The following ARL15 variants were observed in gnomAD, a reference collection of about 807,000 sequenced individuals.
The protein encoded by ARL15 is ARF like GTPase 15, also known as ADP-ribosylation factor-like protein 15.
Under a neutral mutation model 25.2 loss-of-function variants are expected in ARL15, and 19 were observed. The ratio of observed to expected loss-of-function variants is 0.75; its 90% CI spans 0.53 to 1.10. The LOEUF (loss-of-function observed/expected upper bound fraction) is 1.10. Among genes scored for constraint, ARL15 ranks in the 50% least tolerant of loss-of-function variants. The pLI is 0.00. For synonymous variants in ARL15, 94 were observed against 86.8 expected (o/e 1.08, Z -0.46); for missense variants, 220 against 246.0 (o/e 0.89, Z 0.71).
intron 4 of ARL15, among the ~76,000 whole-genome samples, chr5:53,913,937 G>C (rs1285563780): frequency 6.6e-6 from 1 of 152,150 alleles, no homozygotes; most frequent in Admixed American, 6.5e-5. Context: ...TATTATATGT[G>C]TGTGTATATT....
intron 3 of ARL15, among the ~76,000 whole-genome samples, chr5:54,141,469 AT>A (rs1753780318): frequency 6.6e-6 from 1 of 152,178 alleles, no homozygotes; most frequent in African/African-American, 2.4e-5. Flanking sequence ...AATTTCAACG[AT>A]TTTTAACTGG....
chr5:54,172,797 T>A (rs893179326), intron 1 of ARL15, among the ~76,000 whole-genome samples: 4 of 152,234 alleles, frequency 2.6e-5, no homozygotes, highest in Admixed American at 2.0e-4. Flanking sequence ...AATACAAAAA[T>A]TTTTAAAATC....
At chr5:54,282,171 G>T in intron 1 of ARL15, 2 of 787,154 alleles carry the variant, frequency 2.5e-6, no homozygotes, top group South Asian at 5.8e-5. Context: ...ACCCCCATCA[G>T]CAGTAGAGGA....
chr5:54,124,497 T>G (rs1561233022), intron 3 of ARL15, among the ~76,000 whole-genome samples: 1 of 152,184 alleles, frequency 6.6e-6, no homozygotes, highest in Non-Finnish European at 1.5e-5. Context: ...ACACCTCCAC[T>G]CTTTGGTTTG....
intron 3 of ARL15, among the ~76,000 whole-genome samples, chr5:54,133,313 A>G (rs753975377): frequency 2.0e-5 from 3 of 152,206 alleles, no homozygotes; most frequent in Non-Finnish European, 4.4e-5. Context: ...ACCATATTAA[A>G]GAGTCGAAGT....
chr5:54,099,487 T>G (rs1752377287), intron 4 of ARL15, among the ~76,000 whole-genome samples: 2 of 152,198 alleles, frequency 1.3e-5, no homozygotes. Context: ...AAGGGTTGTG[T>G]AAGGGCTTTA....
chr5:54,197,674 A>T lies in ARL15; in HGVS notation c.49-25746T>A, dbSNP rs532121296. ...AATCAATAGCTTACCAACCAAAAAG[A>T]GTCCAGGACCAGATGGATTCACAGC... On this transcript the variant is annotated intron_variant, in intron 1 of 4. Coordinates refer to ENST00000504924, the MANE Select transcript of ARL15 (RefSeq NM_019087.3). Among the ~76,000 whole-genome samples, 2,027 of 152,256 alleles carry T rather than the reference A, an allele frequency of 0.013. 80 individuals are homozygous for T. In the East Asian group the frequency reaches 0.16, roughly 12 times the overall value.
intron 4 of ARL15, among the ~76,000 whole-genome samples, chr5:53,946,159 A>C (rs966113450): frequency 6.6e-6 from 1 of 152,222 alleles, no homozygotes; most frequent in African/African-American, 2.4e-5. Context: ...TTTTGGGCTA[A>C]AATGACATAA....
At chr5:54,130,901 C>T (rs879477642) in intron 3 of ARL15, among the ~76,000 whole-genome samples, 8 of 152,074 alleles carry the variant, frequency 5.3e-5, no homozygotes, top group African/African-American at 9.7e-5. Context: ...AGGAAGGATG[C>T]GTATGTATGT....
intron 4 of ARL15, among the ~76,000 whole-genome samples, chr5:54,000,838 T>C (rs1329257877): frequency 6.6e-6 from 1 of 152,114 alleles, no homozygotes; most frequent in African/African-American, 2.4e-5. Context: ...AGTGCTGACA[T>C]ATTAGATTTC....
intron 4 of ARL15, among the ~76,000 whole-genome samples, chr5:53,997,934 C>G (rs1049267416): frequency 6.6e-6 from 1 of 152,002 alleles, no homozygotes; most frequent in Non-Finnish European, 1.5e-5. Flanking sequence ...CTTTAAAATG[C>G]CTAGTCTCTT....
chr5:53,908,633 C>G (rs1376771759), intron 4 of ARL15, among the ~76,000 whole-genome samples: 4 of 152,128 alleles, frequency 2.6e-5, no homozygotes, highest in Non-Finnish European at 5.9e-5. Context: ...CCACAGGAGG[C>G]CTTGGAATGT....
At chr5:54,145,751 C>T (rs1753889437) in intron 3 of ARL15, among the ~76,000 whole-genome samples, 1 of 152,092 alleles carries the variant, frequency 6.6e-6, no homozygotes, top group South Asian at 2.1e-4. Context: ...AACAAAACAA[C>T]CTTTTGCTTG....
intron 1 of ARL15, among the ~76,000 whole-genome samples, chr5:54,194,053 C>T (rs949763207): frequency 2.0e-5 from 3 of 152,124 alleles, no homozygotes; most frequent in African/African-American, 7.2e-5. Context: ...GTAGTGAACA[C>T]TAAAATCCTA....
At chr5:54,197,978 A>G (rs998218346) in intron 1 of ARL15, among the ~76,000 whole-genome samples, 20 of 151,808 alleles carry the variant, frequency 1.3e-4, no homozygotes, top group African/African-American at 3.9e-4. Flanking sequence ...CTGGGATGCA[A>G]GGCTGGTTCA....
intron 4 of ARL15, among the ~76,000 whole-genome samples, chr5:54,013,764 C>G (rs1344296792): frequency 6.6e-6 from 1 of 152,202 alleles, no homozygotes; most frequent in African/African-American, 2.4e-5. Flanking sequence ...CACCCACAGG[C>G]TGACTCAGCA....
chr5:53,919,721 T>C (rs1745783753), intron 4 of ARL15, among the ~76,000 whole-genome samples: 2 of 152,182 alleles, frequency 1.3e-5, no homozygotes, highest in Non-Finnish European at 2.9e-5. Flanking sequence ...CTAACCTTTA[T>C]TGAGCACCTA....
intron 4 of ARL15, among the ~76,000 whole-genome samples, chr5:53,934,700 T>A (rs1051185825): frequency 6.6e-6 from 1 of 152,210 alleles, no homozygotes; most frequent in South Asian, 2.1e-4. Context: ...TTTGGACTCC[T>A]GCCCAAATCA....
intron 4 of ARL15, among the ~76,000 whole-genome samples, chr5:53,977,057 G>A (rs984058877): frequency 6.6e-6 from 1 of 152,098 alleles, no homozygotes; most frequent in African/African-American, 2.4e-5. Flanking sequence ...CAAGGCATAG[G>A]TTAGAAAAAT....
Sources: allele counts gnomAD v4.1 joint callset (sites outside exome capture counted in the v4.1 genomes callset), GRCh38; gene constraint gnomAD v4.1.1; transcripts MANE v1.5; gene names NCBI Gene and HGNC (gene_info 2026-07-23, HGNC 2026-07-21).